The following GUCY1A1 variants were observed in gnomAD, a reference collection of about 807,000 sequenced individuals.
GUCY1A1 encodes the protein guanylate cyclase 1 soluble subunit alpha 1, also known as guanylate cyclase soluble subunit alpha-1.
A neutral mutation model predicts 64.5 loss-of-function variants in GUCY1A1; 48 were observed. The observed-to-expected ratio is 0.74, with a 90% CI of 0.59 to 0.95. The LOEUF (loss-of-function observed/expected upper bound fraction) is 0.95. Among genes scored for constraint, GUCY1A1 ranks in the 40% least tolerant of loss-of-function variants. The probability of loss-of-function intolerance (pLI) is 0.00; values close to 1 mark genes in which losing one functional copy is unlikely to be tolerated. For missense variants in GUCY1A1, 804 were observed against 825.3 expected (o/e 0.97, Z 0.32); for synonymous variants, 308 against 303.4 (o/e 1.02, Z -0.16).
At chr4:155,705,141 T>C (rs554549972) in intron 4 of GUCY1A1, among the ~76,000 whole-genome samples, 42 of 152,372 alleles carry the variant, frequency 2.8e-4, no homozygotes, top group Non-Finnish European at 5.7e-4. Flanking sequence ...TTCACCCGCG[T>C]TGGCCTCCAA....
At chr4:155,709,020 G>C (rs1464139175) in intron 5 of GUCY1A1, among the ~76,000 whole-genome samples, 1 of 152,052 alleles carries the variant, frequency 6.6e-6, no homozygotes, top group Non-Finnish European at 1.5e-5. Flanking sequence ...ACTCCATTTT[G>C]TATTTTGTAG....
At chr4:155,717,906 T>C (rs545518816) in intron 8 of GUCY1A1, among the ~76,000 whole-genome samples, 1 of 152,342 alleles carries the variant, frequency 6.6e-6, no homozygotes, top group Non-Finnish European at 1.5e-5. Context: ...CCTAACTGCA[T>C]TTAGAAGCTG....
intron 8 of GUCY1A1, among the ~76,000 whole-genome samples, chr4:155,718,195 C>T (rs1733510551): frequency 6.6e-6 from 1 of 152,098 alleles, no homozygotes; most frequent in African/African-American, 2.4e-5. Flanking sequence ...CAGTTGACTA[C>T]CTTCAGAAAT....
chr4:155,717,009 A>G (rs1733328916), intron 7 of GUCY1A1, 150 bp from the exon 8 acceptor site: 10 of 497,712 alleles, frequency 2.0e-5, no homozygotes, highest in African/African-American at 3.9e-5. Context: ...TGAAAAAGAA[A>G]GCCATTTCTG....
intron 3 of GUCY1A1, among the ~76,000 whole-genome samples, 180 bp downstream of exon 3, chr4:155,697,302 A>G (rs2126744761): frequency 6.6e-6 from 1 of 152,288 alleles, no homozygotes; most frequent in African/African-American, 2.4e-5. Context: ...GTTGTGTTTT[A>G]TCTTAAAATG....
rs1030741743 is a variant in GUCY1A1, at chr4:155,734,174, C to A, written c.*3943C>A. Among the ~76,000 whole-genome samples the A allele has an allele frequency of 1.3e-5, 2 of 151,822 alleles. No individual in the cohort carries two copies. Among genetic ancestry groups the A allele is most frequent in the African/African-American group, 4.8e-5 (2 of 41,360 alleles). ...AGAGGGTGGTCTGTGGTAGGCCTAG[C>A]AAATGAAAGAGATGAATAAACAAGA... is the stretch of plus-strand genomic sequence containing the variant. On this transcript the variant is annotated 3_prime_UTR_variant, in exon 10 of 10. Transcript: ENST00000506455.
intron 3 of GUCY1A1, among the ~76,000 whole-genome samples, chr4:155,699,758 G>A (rs1730847687): frequency 6.6e-6 from 1 of 152,110 alleles, no homozygotes; most frequent in African/African-American, 2.4e-5. Context: ...AGTGTCAGTT[G>A]TATTAATAAT....
At chr4:155,703,582 A>G (rs1243319399) in intron 3 of GUCY1A1, among the ~76,000 whole-genome samples, 2 of 152,158 alleles carry the variant, frequency 1.3e-5, no homozygotes, top group East Asian at 1.9e-4. Context: ...ATGGAATCCT[A>G]TATTGCAGAA....
At chr4:155,672,847 A>T (rs1734332133) in intron 2 of GUCY1A1, among the ~76,000 whole-genome samples, 1 of 152,176 alleles carries the variant, frequency 6.6e-6, no homozygotes, top group South Asian at 2.1e-4. Flanking sequence ...TTATCCACAC[A>T]TGCTTTCAAT....
intron 2 of GUCY1A1, among the ~76,000 whole-genome samples, chr4:155,675,238 T>C (rs2625277): frequency 0.43 from 65,777 of 151,292 alleles, 15,144 homozygotes; most frequent in African/African-American, 0.48. Flanking sequence ...CATTATTAAG[T>C]TAATAAAATA....
At chr4:155,726,880 G>C (rs1734760517) in intron 9 of GUCY1A1, among the ~76,000 whole-genome samples, 1 of 151,944 alleles carries the variant, frequency 6.6e-6, no homozygotes, top group African/African-American at 2.4e-5. Context: ...TTAGTTCCAG[G>C]TCAGTGGGTC....
At chr4:155,723,018 G>A (rs953999234) in intron 9 of GUCY1A1, among the ~76,000 whole-genome samples, 1 of 152,054 alleles carries the variant, frequency 6.6e-6, no homozygotes, top group Admixed American at 6.6e-5. Context: ...CAGAGGTTAG[G>A]CTAACACAAA....
chr4:155,716,385 G>A (rs1300423416), intron 7 of GUCY1A1, among the ~76,000 whole-genome samples: 1 of 152,126 alleles, frequency 6.6e-6, no homozygotes. Flanking sequence ...CTTAGAATTA[G>A]GGGGTTATTT....
At chr4:155,723,038 T>A (rs1201655384) in intron 9 of GUCY1A1, among the ~76,000 whole-genome samples, 1 of 152,136 alleles carries the variant, frequency 6.6e-6, no homozygotes, top group Non-Finnish European at 1.5e-5. Flanking sequence ...AACCCCAACC[T>A]TCTATCCACA....
chr4:155,679,257 G>T (rs1735375735), intron 2 of GUCY1A1, among the ~76,000 whole-genome samples: 1 of 150,926 alleles, frequency 6.6e-6, no homozygotes, highest in South Asian at 2.1e-4. Context: ...GTTTTCTTCT[G>T]TAAGTTTTAT....
At chr4:155,717,334 T>G in intron 8 of GUCY1A1, 32 bp downstream of exon 8, 2 of 1,482,494 alleles carry the variant, frequency 1.3e-6, no homozygotes, top group Non-Finnish European at 1.8e-6. Flanking sequence ...CCAAAAGATG[T>G]CACAAGAGCA....
At chr4:155,725,934 A>C (rs1425021902) in intron 9 of GUCY1A1, among the ~76,000 whole-genome samples, 1 of 152,104 alleles carries the variant, frequency 6.6e-6, no homozygotes, top group Non-Finnish European at 1.5e-5. Context: ...CAGAAAATTT[A>C]CAAAATTAGT....
intron 2 of GUCY1A1, among the ~76,000 whole-genome samples, chr4:155,673,702 T>TA (rs1466737767): frequency 2.6e-5 from 4 of 151,370 alleles, no homozygotes; most frequent in Non-Finnish European, 5.9e-5. Flanking sequence ...TGCTGAGCCT[T>TA]CCCAGGCCAT....
chr4:155,714,929 A>G (rs1460164942), intron 7 of GUCY1A1, among the ~76,000 whole-genome samples: 1 of 152,204 alleles, frequency 6.6e-6, no homozygotes, highest in African/African-American at 2.4e-5. Context: ...CTCCTGTCTT[A>G]GAATTGTGAG....
Sources: gnomAD v4.1 joint callset for allele counts (sites outside exome capture counted in the v4.1 genomes callset) on GRCh38, gnomAD v4.1.1 for gene constraint, MANE v1.5 for transcripts, NCBI Gene and HGNC (gene_info 2026-07-23, HGNC 2026-07-21) for gene names.